The following CNBD2 variants were observed in gnomAD, a reference collection of about 807,000 sequenced individuals.
CNBD2 encodes the protein cyclic nucleotide-binding domain-containing protein 2.
A neutral mutation model predicts 63.7 loss-of-function variants in CNBD2; 64 were observed. The ratio of observed to expected loss-of-function variants is 1.00; its 90% CI spans 0.82 to 1.24. CNBD2 has a LOEUF of 1.24. CNBD2 is among the 50% of genes most tolerant of loss of function. The pLI is 0.00. For synonymous variants in CNBD2, 229 were observed against 255.4 expected (o/e 0.90, Z 0.99); for missense variants, 691 against 713.5 (o/e 0.97, Z 0.36).
At chr20:35,958,098 T>A (rs1462833746), downstream of CNBD2, among the ~76,000 whole-genome samples, 2 of 152,226 alleles carry the variant, frequency 1.3e-5, no homozygotes, top group African/African-American at 4.8e-5. Context: ...CTTATTTTCT[T>A]TTTTATCAGA....
chr20:36,025,779 T>C (rs754977722), intron 11 of CNBD2, among the ~76,000 whole-genome samples: 2 of 152,090 alleles, frequency 1.3e-5, no homozygotes. Flanking sequence ...ACTGTTTCCA[T>C]CTCACACTGC....
At position 35,997,226 on chromosome 20, in the gene CNBD2, A is replaced by G. The variant is rs2056837137; in HGVS notation, c.970+2074A>G. Among the ~76,000 whole-genome samples the G allele has an allele frequency of 3.9e-5, 6 of 152,230 alleles. No individual in the cohort carries two copies. In the South Asian group the frequency reaches 1.0e-3, roughly 26 times the overall value. On this transcript the variant is annotated intron_variant, in intron 8 of 11. Transcript: ENST00000373973. ...ATGTCTTATCTCTTACCTCCTGCTC[A>G]GTACTGGCATGCTTCCCCCCACTTC... is the stretch of plus-strand genomic sequence containing the variant.
chr20:35,980,661 C>G, intron 4 of CNBD2, 39 bp downstream of exon 4: 4 of 1,598,312 alleles, frequency 2.5e-6, no homozygotes, highest in Non-Finnish European at 3.4e-6. Flanking sequence ...CAGGCTGAGG[C>G]TGGACTGAGC....
At chr20:36,027,586 G>A (rs780333658) in intron 11 of CNBD2, among the ~76,000 whole-genome samples, 2 of 152,048 alleles carry the variant, frequency 1.3e-5, no homozygotes, top group Non-Finnish European at 2.9e-5. Flanking sequence ...CTTACTAACT[G>A]TGTGATCTGA....
intron 10 of CNBD2, among the ~76,000 whole-genome samples, chr20:36,019,499 G>A (rs372176133): frequency 7.1e-6 from 1 of 141,736 alleles, no homozygotes; most frequent in Admixed American, 7.2e-5. Context: ...CTCCAGCCTA[G>A]GGACAGAGTG....
chr20:36,010,797 C>T (rs2147329678), intron 9 of CNBD2, among the ~76,000 whole-genome samples: 1 of 152,128 alleles, frequency 6.6e-6, no homozygotes, highest in East Asian at 1.9e-4. Flanking sequence ...AAAGAAATTC[C>T]TTCCTCATGC....
In CNBD2 at chr20:35,983,900, A is replaced by G. The variant is rs1189695400; in HGVS notation, c.408-82A>G. 5.2e-6 allele frequency: 8 copies of G among 1,532,140 alleles called. 1 individual carries two copies. In the South Asian group the frequency reaches 9.1e-5, roughly 17 times the overall value. 94.9% of individuals were successfully genotyped at this position (1,532,140 alleles called of 1,614,324 possible). ...TGTGCTCTTATATCCCAAAGCAAAG[A>G]GCACAACCAGTCCAGAGCTCCTCTC... On this transcript the variant is annotated intron_variant, in intron 4 of 11. Transcript: ENST00000373973.
At chr20:35,968,878 A>G in intron 1 of CNBD2, 65 bp downstream of exon 1, 1 of 1,247,446 alleles carries the variant, frequency 8.0e-7, no homozygotes, top group Middle Eastern at 2.1e-4. Context: ...GTTTTGAGGA[A>G]GGTCGATGCA....
At chr20:35,954,546 C>T, upstream of CNBD2, 1 of 1,501,654 alleles carries the variant, frequency 6.7e-7, no homozygotes, top group Non-Finnish European at 9.0e-7. Context: ...TTGCGGGCTC[C>T]CGGAAGCGGC....
chr20:36,028,082 G>A (rs2057302370), intron 11 of CNBD2, among the ~76,000 whole-genome samples: 1 of 152,172 alleles, frequency 6.6e-6, no homozygotes, highest in Non-Finnish European at 1.5e-5. Context: ...GTTCAAGGAT[G>A]CCACACTTCT....
At chr20:35,977,779 GTGA>G (rs1185444087) in intron 3 of CNBD2, among the ~76,000 whole-genome samples, 2 of 152,174 alleles carry the variant, frequency 1.3e-5, no homozygotes, top group Admixed American at 6.5e-5. Flanking sequence ...AAACAGTGTG[GTGA>G]TTGTTGTACA....
upstream of CNBD2, among the ~76,000 whole-genome samples, chr20:35,964,771 C>T (rs1293219452): frequency 2.0e-5 from 3 of 150,854 alleles, no homozygotes; most frequent in South Asian, 2.1e-4. Context: ...GCCATGATCT[C>T]GACTCACTGC....
intron 11 of CNBD2, among the ~76,000 whole-genome samples, chr20:36,027,186 ACTT>A (rs2147380979): frequency 6.6e-6 from 1 of 152,324 alleles, no homozygotes; most frequent in South Asian, 2.1e-4. Flanking sequence ...TGGAGCTCAT[ACTT>A]CTTACACATT....
upstream of CNBD2, among the ~76,000 whole-genome samples, chr20:35,964,548 G>A (rs1409617593): frequency 7.0e-6 from 1 of 142,400 alleles, no homozygotes; most frequent in Admixed American, 6.9e-5. Flanking sequence ...CTGCCACCAC[G>A]CCCGGCTATT....
intron 7 of CNBD2, among the ~76,000 whole-genome samples, chr20:35,992,328 G>C (rs1156881769): frequency 6.6e-6 from 1 of 152,190 alleles, no homozygotes; most frequent in Non-Finnish European, 1.5e-5. Flanking sequence ...CCTGACCTAA[G>C]GGAGGAATTT....
At chr20:36,022,210 TTTTTTTTGAGA>T (rs2057223789) in intron 10 of CNBD2, among the ~76,000 whole-genome samples, 1 of 130,584 alleles carries the variant, frequency 7.7e-6, no homozygotes, top group African/African-American at 3.1e-5. Flanking sequence ...TTTTTTTTTT[TTTTTTTTGAGA>T]TGGAGTCTCG....
At chr20:35,960,458 G>C (rs1195203375) in intron 2 of CNBD2, among the ~76,000 whole-genome samples, 5 of 152,198 alleles carry the variant, frequency 3.3e-5, no homozygotes, top group African/African-American at 1.2e-4. Flanking sequence ...TTCTGCCTCA[G>C]CTTTGTGAGT....
At position 36,023,678 on chromosome 20, in the gene CNBD2, T is replaced by A. The variant is rs140294360; in HGVS notation, c.1346T>A (p.Leu449Ter). ...ATCCTGATGAGCCTGGGAAATGAGT[T>A]GATACGGATAAGGAAGGAAATATTT... Reference protein sequence around the residue: ...PLILMSLGNELIRIRKEIFYE... With the variant: ...PLILMSLGNE The change falls in exon 11 of 12, where the codon TTG becomes TAG. Residue 449 changes from leucine to a stop codon, truncating the protein, a stop_gained. Coordinates refer to ENST00000373973, the MANE Select transcript of CNBD2 (RefSeq NM_001365709.1). LOFTEE classifies it high-confidence loss of function. The A allele has an allele frequency of 5.6e-6, 9 of 1,613,882 alleles. No individual in the cohort carries two copies. The African/African-American group carries it at 1.2e-4, about 22-fold the overall frequency.
intron 3 of CNBD2, among the ~76,000 whole-genome samples, chr20:35,977,640 T>G (rs2056539408): frequency 6.6e-6 from 1 of 152,226 alleles, no homozygotes. Flanking sequence ...ACTGTGCCAC[T>G]GCACTGCAGT....
Sources: allele counts gnomAD v4.1 joint callset (sites outside exome capture counted in the v4.1 genomes callset), GRCh38; gene constraint gnomAD v4.1.1; transcripts MANE v1.5; gene names NCBI Gene and HGNC (gene_info 2026-07-23, HGNC 2026-07-21).